The following PDE11A variants were observed in gnomAD, a reference collection of about 807,000 sequenced individuals.
PDE11A encodes the protein dual 3',5'-cyclic-AMP and -GMP phosphodiesterase 11A.
Under a neutral mutation model 100.5 loss-of-function variants are expected in PDE11A, and 100 were observed. The ratio of observed to expected loss-of-function variants is 1.00; its 90% CI spans 0.85 to 1.18. The LOEUF (loss-of-function observed/expected upper bound fraction) is 1.18, where lower values mean the gene tolerates loss of function less well. Ranked by LOEUF, PDE11A falls within the 50% of genes most tolerant of loss-of-function variation. The pLI is 0.00. For missense variants in PDE11A, 1,141 were observed against 1,152.6 expected (o/e 0.99, Z 0.15); for synonymous variants, 381 against 420.8 (o/e 0.91, Z 1.16).
At chr2:177,689,880 C>G (rs1244952746) in intron 15 of PDE11A, among the ~76,000 whole-genome samples, 5 of 152,234 alleles carry the variant, frequency 3.3e-5, no homozygotes, top group African/African-American at 7.2e-5. Context: ...GGCAAAGAAG[C>G]TGTGTAAGCC....
At chr2:177,770,645 G>A (rs899177086) in intron 9 of PDE11A, among the ~76,000 whole-genome samples, 3 of 152,214 alleles carry the variant, frequency 2.0e-5, no homozygotes, top group African/African-American at 7.2e-5. Flanking sequence ...ATGCCAGCTT[G>A]CTGTGAACAG....
At chr2:177,810,640 T>C (rs1027985652) in intron 9 of PDE11A, among the ~76,000 whole-genome samples, 5 of 147,458 alleles carry the variant, frequency 3.4e-5, no homozygotes, top group Non-Finnish European at 5.9e-5. Flanking sequence ...ATAATACTCT[T>C]GAGAAGAGAA....
chr2:177,971,872 A>T (rs57715307), intron 2 of PDE11A, among the ~76,000 whole-genome samples: 1,689 of 152,320 alleles, frequency 0.011, 30 homozygotes, highest in African/African-American at 0.038. Context: ...TTCAGAAAAA[A>T]AAAAGGCAGT....
chr2:177,695,157 G>T (rs1390662355), intron 15 of PDE11A, among the ~76,000 whole-genome samples: 2 of 146,386 alleles, frequency 1.4e-5, no homozygotes, highest in African/African-American at 2.7e-5. Context: ...AAAATAATTT[G>T]TTTCCGTTAA....
At chr2:178,094,767 G>C (rs955700909) in intron 2 of PDE11A, among the ~76,000 whole-genome samples, 1 of 152,086 alleles carries the variant, frequency 6.6e-6, no homozygotes, top group East Asian at 1.9e-4. Context: ...TAGCTGAGAC[G>C]GCCTCAAGAA....
At chr2:177,722,659 G>GC (rs1419970587) in intron 12 of PDE11A, among the ~76,000 whole-genome samples, 1 of 152,060 alleles carries the variant, frequency 6.6e-6, no homozygotes. Context: ...AAATTGATTA[G>GC]CCCCATAGTT....
chr2:177,917,754 C>T (rs1469840377), intron 2 of PDE11A, among the ~76,000 whole-genome samples: 1 of 152,138 alleles, frequency 6.6e-6, no homozygotes, highest in African/African-American at 2.4e-5. Context: ...TAGAGAAACA[C>T]ATGAGACCCA....
At chr2:177,762,317 C>T (rs1409341314) in intron 10 of PDE11A, among the ~76,000 whole-genome samples, 2 of 152,186 alleles carry the variant, frequency 1.3e-5, no homozygotes, top group African/African-American at 2.4e-5. Context: ...ACCCAAGCCC[C>T]TCTCACTGAA....
chr2:177,741,345 T>G (rs1470903393), intron 10 of PDE11A, among the ~76,000 whole-genome samples: 1 of 152,178 alleles, frequency 6.6e-6, no homozygotes. Flanking sequence ...GGATTACAGC[T>G]CAACCATATG....
chr2:177,950,708 G>A (rs2085495392), intron 2 of PDE11A, among the ~76,000 whole-genome samples: 1 of 152,174 alleles, frequency 6.6e-6, no homozygotes, highest in Admixed American at 6.5e-5. Flanking sequence ...TCAGGAGATC[G>A]AGACCATCCT....
rs560891498 is a variant in PDE11A, at chr2:177,989,690, A to G, written c.1071+24612T>C. ...ACTGCTCCTCATCTGAAATTCCTTC[A>G]ACCTGAGGTTAGGAGCATTTATCTA... On this transcript the variant is annotated intron_variant, in intron 2 of 19. Coordinates refer to ENST00000286063, the MANE Select transcript of PDE11A (RefSeq NM_016953.4). Among the ~76,000 whole-genome samples the G allele has an allele frequency of 4.6e-5, 7 of 152,296 alleles. No homozygotes were observed. The East Asian group carries it at 1.4e-3, about 29-fold the overall frequency.
intron 18 of PDE11A, among the ~76,000 whole-genome samples, chr2:177,665,479 C>CAA (rs201885310): frequency 1.5e-5 from 1 of 68,326 alleles, no homozygotes; most frequent in African/African-American, 4.7e-5. Context: ...GACTCAGTCT[C>CAA]AAAAAAAAAA....
At chr2:177,675,566 T>C (rs1018452637) in intron 16 of PDE11A, 48 bp from the exon 17 acceptor site, 1 of 1,387,674 alleles carries the variant, frequency 7.2e-7, no homozygotes, top group Admixed American at 1.7e-5. Flanking sequence ...TTTTGTTGCA[T>C]TCCTAAACAA....
chr2:178,051,816 T>C (rs1472887446), intron 1 of PDE11A, among the ~76,000 whole-genome samples: 1 of 152,152 alleles, frequency 6.6e-6, no homozygotes, highest in Non-Finnish European at 1.5e-5. Context: ...GAGCTAACTA[T>C]CCTAAATATA....
chr2:177,870,123 T>C (rs954627916), intron 5 of PDE11A, among the ~76,000 whole-genome samples: 1 of 152,228 alleles, frequency 6.6e-6, no homozygotes, highest in Non-Finnish European at 1.5e-5. Flanking sequence ...ATGTGTTAGG[T>C]GACCCGTGTA....
intron 2 of PDE11A, among the ~76,000 whole-genome samples, chr2:178,009,920 T>C (rs1365094699): frequency 6.6e-6 from 1 of 152,216 alleles, no homozygotes; most frequent in Non-Finnish European, 1.5e-5. Context: ...CAAATCATAT[T>C]ATGCTAATGT....
At chr2:177,818,315 A>G (rs1215478739) in intron 7 of PDE11A, among the ~76,000 whole-genome samples, 2 of 140,454 alleles carry the variant, frequency 1.4e-5, no homozygotes, top group African/African-American at 2.6e-5. Flanking sequence ...ATGTGTGTAT[A>G]TATATATATA....
At chr2:177,643,568 A>C (rs1429408951) in intron 19 of PDE11A, among the ~76,000 whole-genome samples, 1 of 152,190 alleles carries the variant, frequency 6.6e-6, no homozygotes, top group Non-Finnish European at 1.5e-5. Flanking sequence ...AAAGTTTGGA[A>C]AATTTGTAGG....
intron 10 of PDE11A, among the ~76,000 whole-genome samples, chr2:177,736,231 G>T (rs528972148): frequency 4.6e-5 from 7 of 152,200 alleles, no homozygotes; most frequent in Non-Finnish European, 7.3e-5. Flanking sequence ...CAGAGGAAGG[G>T]CCAGGCGTAG....
Sources: gnomAD v4.1 joint callset for allele counts (sites outside exome capture counted in the v4.1 genomes callset) on GRCh38, gnomAD v4.1.1 for gene constraint, MANE v1.5 for transcripts, NCBI Gene and HGNC (gene_info 2026-07-23, HGNC 2026-07-21) for gene names.